The following DMD variants were observed in gnomAD, a reference collection of about 807,000 sequenced individuals.
The protein encoded by DMD is dystrophin.
DMD carries 63 observed loss-of-function variants against 330.1 expected under a neutral mutation model. That is an observed-to-expected ratio of 0.19 (90% CI 0.16 to 0.24). The LOEUF (loss-of-function observed/expected upper bound fraction) is 0.24, where lower values mean the gene tolerates loss of function less well. Ranked by LOEUF, DMD falls within the 10% of genes least tolerant of loss-of-function variation. The pLI, the probability that DMD is intolerant of heterozygous loss-of-function variation, is 1.00. For synonymous variants in DMD, 1,223 were observed against 959.8 expected, an observed-to-expected ratio of 1.27 and a Z score of -5.07; for missense variants, 3,344 against 2,684.1, an observed-to-expected ratio of 1.25 and a Z score of -5.43.
At chrX:33,004,877 C>T (rs967853809) in intron 2 of DMD, among the ~76,000 whole-genome samples, 1 of 111,079 alleles carries the variant, frequency 9.0e-6, no homozygotes, top group African/African-American at 3.3e-5. Flanking sequence ...GCTATTGTTG[C>T]AAATGGGTGT....
intron 1 of DMD, among the ~76,000 whole-genome samples, chrX:33,076,011 G>T (rs766060215): frequency 1.8e-5 from 2 of 111,508 alleles, no homozygotes; most frequent in South Asian, 3.8e-4. Flanking sequence ...TTGCTCCTGG[G>T]CATAAAGTCA....
chrX:32,647,395 G>C (rs1226769064), intron 9 of DMD, among the ~76,000 whole-genome samples: 1 of 111,608 alleles, frequency 9.0e-6, no homozygotes, highest in African/African-American at 3.3e-5. Flanking sequence ...GTCTATAACT[G>C]AGTAAACAAG....
At chrX:32,390,329 C>T in intron 30 of DMD, 148 bp from the exon 31 acceptor site, 1 of 484,687 alleles carries the variant, frequency 2.1e-6, no homozygotes. Context: ...TGGTGGTTCA[C>T]ACCTGTAATC....
intron 26 of DMD, among the ~76,000 whole-genome samples, chrX:32,452,542 TA>T (rs1392127535): frequency 9.6e-6 from 1 of 103,902 alleles, no homozygotes; most frequent in Non-Finnish European, 2.0e-5. Flanking sequence ...TGAAATAGAA[TA>T]AAATACCTTC....
chrX:31,433,071 C>G (rs1401822794), intron 60 of DMD, among the ~76,000 whole-genome samples: 2 of 111,784 alleles, frequency 1.8e-5, no homozygotes, highest in African/African-American at 6.5e-5. Context: ...GCCCTTGTCA[C>G]TAGTGCCTGT....
intron 7 of DMD, among the ~76,000 whole-genome samples, chrX:32,719,561 T>G (rs1451615014): frequency 8.9e-6 from 1 of 111,738 alleles, no homozygotes; most frequent in African/African-American, 3.2e-5. Flanking sequence ...TTAATATGCA[T>G]TTGCCTCCAA....
intron 76 of DMD, among the ~76,000 whole-genome samples, chrX:31,138,090 G>A (rs1489754013): frequency 5.4e-5 from 6 of 111,781 alleles, no homozygotes; most frequent in African/African-American, 1.3e-4. Flanking sequence ...GAATGTAAGC[G>A]GGCATGACAA....
At chrX:32,116,858 C>A (rs944771842) in intron 44 of DMD, among the ~76,000 whole-genome samples, 1 of 111,910 alleles carries the variant, frequency 8.9e-6, no homozygotes. Flanking sequence ...CTCTTCTTTT[C>A]AAAACCCTTG....
In DMD at chrX:31,717,693, T is replaced by A. The variant is rs2085165162; in HGVS notation, c.7660+11938A>T. ...GCACAATTACACTTGATGTTCACAT[T>A]TTCAGGTTGACTGGGTTTTATCACT... On this transcript the variant is annotated intron_variant, in intron 52 of 78. Transcript: ENST00000357033. Among the ~76,000 whole-genome samples, 4 of 112,378 alleles carry A rather than the reference T, an allele frequency of 3.6e-5. No individual in the cohort carries two copies. The Admixed American group carries it at 3.8e-4, about 11-fold the overall frequency.
At chrX:32,940,085 A>G (rs1243375155) in intron 2 of DMD, among the ~76,000 whole-genome samples, 1 of 112,147 alleles carries the variant, frequency 8.9e-6, no homozygotes, top group African/African-American at 3.2e-5. Flanking sequence ...AGGAAAAAGA[A>G]CAAAGCCAGA....
intron 51 of DMD, among the ~76,000 whole-genome samples, chrX:31,738,921 G>A (rs758661406): frequency 1.8e-5 from 2 of 112,026 alleles, no homozygotes; most frequent in African/African-American, 6.5e-5. Context: ...ATGGTTACCT[G>A]AGGATGGGAA....
chrX:31,814,876 A>G (rs73461886), intron 50 of DMD, among the ~76,000 whole-genome samples: 1,978 of 112,184 alleles, frequency 0.018, 47 homozygotes, highest in African/African-American at 0.061. Flanking sequence ...ATCCAGGAAC[A>G]CTGAACAGCT....
intron 7 of DMD, among the ~76,000 whole-genome samples, chrX:32,768,972 T>C (rs1312678074): frequency 4.5e-5 from 5 of 111,832 alleles, no homozygotes; most frequent in Non-Finnish European, 9.4e-5. Context: ...CACATATGCA[T>C]CACCTCTACC....
chrX:33,132,112 T>G (rs2095503094), intron 1 of DMD, among the ~76,000 whole-genome samples: 1 of 111,870 alleles, frequency 8.9e-6, no homozygotes, highest in African/African-American at 3.3e-5. Flanking sequence ...GTGACACATT[T>G]TGGCTTCAGG....
At chrX:31,546,323 C>T (rs1252135184) in intron 55 of DMD, among the ~76,000 whole-genome samples, 1 of 112,129 alleles carries the variant, frequency 8.9e-6, no homozygotes, top group Non-Finnish European at 1.9e-5. Flanking sequence ...ATCCCTTAGT[C>T]ATTTTGGCTG....
At chrX:32,021,478 C>T (rs1023137416) in intron 44 of DMD, among the ~76,000 whole-genome samples, 1 of 111,618 alleles carries the variant, frequency 9.0e-6, no homozygotes, top group Middle Eastern at 4.2e-3. Context: ...GGAGCTTCTC[C>T]CAAAATACTG....
chrX:31,754,884 T>G (rs1196242557), intron 51 of DMD, among the ~76,000 whole-genome samples: 1 of 111,943 alleles, frequency 8.9e-6, no homozygotes, highest in Non-Finnish European at 1.9e-5. Context: ...AATTTTTAGT[T>G]GTGGGCTTTG....
At chrX:32,411,640 C>T in intron 30 of DMD, 112 bp downstream of exon 30, 1 of 921,209 alleles carries the variant, frequency 1.1e-6, no homozygotes, top group African/African-American at 1.9e-5. Context: ...ATCAGTGAAT[C>T]AAAACAACCC....
chrX:31,527,595 T>C (rs1381145824), intron 55 of DMD, among the ~76,000 whole-genome samples: 1 of 111,751 alleles, frequency 8.9e-6, no homozygotes, highest in African/African-American at 3.3e-5. Context: ...CTGCCCCTTT[T>C]GGCTATTTCT....
Sources: gnomAD v4.1 joint callset for allele counts (sites outside exome capture counted in the v4.1 genomes callset) on GRCh38, gnomAD v4.1.1 for gene constraint, MANE v1.5 for transcripts, NCBI Gene and HGNC (gene_info 2026-07-23, HGNC 2026-07-21) for gene names.